MYO6: variants seen among roughly 807,000 people sequenced by gnomAD.
The protein encoded by MYO6 is unconventional myosin-VI.
A neutral mutation model predicts 178.7 loss-of-function variants in MYO6; 74 were observed. The ratio of observed to expected loss-of-function variants is 0.41; its 90% confidence interval spans 0.34 to 0.50. The LOEUF is 0.50. MYO6 is among the 20% of genes least tolerant of loss of function. MYO6 has a pLI of 0.09. For synonymous variants in MYO6, 477 were observed against 504.6 expected (o/e 0.95, Z 0.73); for missense variants, 1,330 against 1,547.4 (o/e 0.86, Z 2.36).
chr6:75,850,281 T>G (rs1231026314), intron 11 of MYO6, among the ~76,000 whole-genome samples: 1 of 152,000 alleles, frequency 6.6e-6, no homozygotes, highest in Non-Finnish European at 1.5e-5. Flanking sequence ...AAAAAGAAGA[T>G]TAAAAAAAGT....
intron 1 of MYO6, among the ~76,000 whole-genome samples, chr6:75,756,617 G>A (rs187935383): frequency 1.9e-4 from 29 of 152,272 alleles, no homozygotes; most frequent in African/African-American, 6.3e-4. Flanking sequence ...ACAGGCATGA[G>A]CCACTGTGCC....
At chr6:75,778,704 G>C (rs1366718501) in intron 1 of MYO6, among the ~76,000 whole-genome samples, 1 of 151,474 alleles carries the variant, frequency 6.6e-6, no homozygotes, top group Non-Finnish European at 1.5e-5. Flanking sequence ...AATTACTTCT[G>C]TTGCCATTTG....
rs10687890 is a variant in MYO6, at chr6:75,866,275, C to CTGTGTG, written c.1675-223_1675-218dup. Among the ~76,000 whole-genome samples, 5,909 of 119,138 alleles carry CTGTGTG rather than the reference C, an allele frequency of 0.05. 155 individuals are homozygous for CTGTGTG. Among genetic ancestry groups the CTGTGTG allele is most frequent in the Middle Eastern group, 0.073 (15 of 206 alleles). 78.2% of individuals were successfully genotyped at this position (119,138 alleles called of 152,430 possible). A position where few individuals can be genotyped will look rare whatever the true frequency, so the allele number is the denominator to read the frequency against. On this transcript the variant is annotated intron_variant, in intron 16 of 34. Transcript: ENST00000369977. ...TTTCTCTCCGTCTCTGTCTCTGTCTCTGTGTGTGTGTGTGTGTGTGTGTGT... is the reference window on the plus strand; with the variant it reads ...TTTCTCTCCGTCTCTGTCTCTGTCTCTGTGTGTGTGTGTGTGTGTGTGTGTGTGTGT...
rs371745279 is a variant in MYO6, at chr6:75,891,316, T to C, written c.2946+10T>C. On this transcript the variant is annotated intron_variant, in intron 27 of 34. Transcript: ENST00000369977. ...TGAAAAACGCATTCAAGTATGTACT[T>C]ACTGGGTTGAATTTCTATTAAAATG... The C allele has an allele frequency of 4.6e-5, 73 of 1,589,394 alleles. No homozygotes were observed. The highest frequency in any genetic ancestry group is 5.9e-5 in the Non-Finnish European group (69 of 1,161,894).
At position 75,914,188 on chromosome 6, in the gene MYO6, A is replaced by C. The variant is rs148882684; in HGVS notation, c.3565A>C (p.Lys1189Gln). ...CCAGTACAAAGACCCTCAGAGTAAG[A>C]AAAAAGGCTGGTGGTATGCCCATTT... ...ADQYKDPQSK[K>Q]KGWWYAHFDG... The change falls in exon 34 of 35, where the codon AAA (lysine) becomes CAA (glutamine). Residue 1189 changes from lysine (K) to glutamine (Q), a missense_variant. Lys to Gln is a moderately conservative substitution (Grantham distance 53, BLOSUM62 1). This residue lies in a region of MYO6 where 601 missense variants were observed against 626.1 expected (regional missense o/e 0.96). Coordinates refer to ENST00000369977, the MANE Select transcript of MYO6 (RefSeq NM_004999.4). 1 of 1,614,180 alleles carries C rather than the reference A, an allele frequency of 6.2e-7. No individual in the cohort carries two copies. Among genetic ancestry groups the C allele is most frequent in the South Asian group, 1.1e-5 (1 of 91,088 alleles).
At chr6:75,802,479 ATT>A (rs1300270453) in intron 1 of MYO6, among the ~76,000 whole-genome samples, 33,667 of 116,510 alleles carry the variant, frequency 0.29, 7,177 homozygotes, top group African/African-American at 0.62. Context: ...AAAAAAAAAA[ATT>A]TTTTTTTTTT....
chr6:75,861,751 T>C (rs767990337), intron 15 of MYO6, among the ~76,000 whole-genome samples: 13 of 152,164 alleles, frequency 8.5e-5, no homozygotes, highest in Non-Finnish European at 1.8e-4. Flanking sequence ...AAACATAGTA[T>C]AATAATAATA....
chr6:75,887,053 T>C, intron 25 of MYO6, 59 bp downstream of exon 25: 2 of 1,516,998 alleles, frequency 1.3e-6, no homozygotes, highest in Non-Finnish European at 1.8e-6. Context: ...TATTTTGTTA[T>C]TGGTATTGAA....
At chr6:75,810,904 G>T in intron 1 of MYO6, among the ~76,000 whole-genome samples, 1 of 152,204 alleles carries the variant, frequency 6.6e-6, no homozygotes, top group East Asian at 1.9e-4. Context: ...TTACTCAGAA[G>T]GCTGAGGTGG....
intron 2 of MYO6, 61 bp downstream of exon 2, chr6:75,817,725 C>T: frequency 7.1e-7 from 1 of 1,406,002 alleles, no homozygotes. Flanking sequence ...TTTTTTTTCA[C>T]AAGAGTAAGG....
rs1020873794 is a variant in MYO6, at chr6:75,892,595, G to A, written c.3012G>A (p.Glu1004=). Residue 1004 remains glutamate, a synonymous_variant, in exon 28 of 35, where the codon GAG becomes GAA. Coordinates refer to ENST00000369977, the MANE Select transcript of MYO6 (RefSeq NM_004999.4). ...EEESQQQAVL[E]QERRDRELAL... ...AATCCCAACAGCAAGCAGTTCTGGA[G>A]CAGGAGCGCAGGGACCGGGAGCTGG... 7 of 1,613,590 alleles carry A rather than the reference G, an allele frequency of 4.3e-6. No homozygotes were observed. Among genetic ancestry groups the A allele is most frequent in the Non-Finnish European group, 5.9e-6 (7 of 1,180,034 alleles).
intron 15 of MYO6, among the ~76,000 whole-genome samples, chr6:75,862,345 T>C (rs1317774225): frequency 6.6e-6 from 1 of 152,224 alleles, no homozygotes; most frequent in Non-Finnish European, 1.5e-5. Flanking sequence ...ATGGTTATTA[T>C]AGTCATTTGC....
intron 29 of MYO6, among the ~76,000 whole-genome samples, chr6:75,895,995 C>CT (rs939057696): frequency 2.5e-4 from 38 of 152,046 alleles, no homozygotes; most frequent in Admixed American, 2.4e-3. Context: ...GCTAATGTAT[C>CT]TTTTTCATAT....
intron 1 of MYO6, among the ~76,000 whole-genome samples, chr6:75,790,987 G>A (rs1045556817): frequency 8.5e-5 from 13 of 152,152 alleles, no homozygotes; most frequent in African/African-American, 3.1e-4. Context: ...AGACTGGAGT[G>A]CAGTGGGTCA....
At chr6:75,900,894 T>G (rs1779719176) in intron 30 of MYO6, among the ~76,000 whole-genome samples, 1 of 150,680 alleles carries the variant, frequency 6.6e-6, no homozygotes, top group East Asian at 1.9e-4. Flanking sequence ...TTAATCCATC[T>G]TGAATTGATT....
At chr6:75,885,397 G>T (rs949523620) in intron 23 of MYO6, among the ~76,000 whole-genome samples, 1 of 152,090 alleles carries the variant, frequency 6.6e-6, no homozygotes, top group East Asian at 1.9e-4. Context: ...AGCCCAGCAT[G>T]GTGTGTGCCT....
rs1227256158 is a variant in MYO6, at chr6:75,918,448, A to G, written c.*3436A>G. On this transcript the variant is annotated 3_prime_UTR_variant, in exon 35 of 35. Transcript: ENST00000369977. ...CAGAGCACTCCTAGATCTCTACGAA[A>G]TTTTAGAATGAATAATGTGTAATTT... The G allele has an allele frequency of 6.6e-6, 1 of 152,196 alleles. No homozygotes were observed. The highest frequency in any genetic ancestry group is 1.5e-5 in the Non-Finnish European group (1 of 68,034). The allele number at this position is 152,196 out of a possible 1,614,324, so 9.4% of individuals were successfully genotyped here.
chr6:75,790,455 C>G (rs1398796349), intron 1 of MYO6, among the ~76,000 whole-genome samples: 1 of 151,074 alleles, frequency 6.6e-6, no homozygotes, highest in African/African-American at 2.4e-5. Context: ...TCGGCTCACT[C>G]ACTGCAACCT....
At chr6:75,857,279 A>G (rs1775800709) in intron 13 of MYO6, 25 bp downstream of exon 13, 1 of 1,603,180 alleles carries the variant, frequency 6.2e-7, no homozygotes, top group Non-Finnish European at 8.5e-7. Context: ...TTTTGTGAGT[A>G]TATATTTGTT....
Sources: gnomAD v4.1 joint callset for allele counts (sites outside exome capture counted in the v4.1 genomes callset) on GRCh38, gnomAD v4.1.1 for gene constraint, gnomAD v4.1.1 regional missense constraint, MANE v1.5 for transcripts, NCBI Gene and HGNC (gene_info 2026-07-23, HGNC 2026-07-21) for gene names.